TMEM260: variants seen among roughly 807,000 people sequenced by gnomAD.
TMEM260 encodes transmembrane protein 260, also known as protein O-mannosyl-transferase TMEM260.
A neutral mutation model predicts 88.9 loss-of-function variants in TMEM260; 82 were observed. The observed-to-expected ratio is 0.92, with a 90% CI of 0.77 to 1.11. TMEM260 has a LOEUF of 1.11. TMEM260 is among the 50% of genes least tolerant of loss of function. The pLI is 0.00. For synonymous variants in TMEM260, 314 were observed against 309.3 expected (o/e 1.02, Z -0.16); for missense variants, 902 against 853.4 (o/e 1.06, Z -0.71).
At chr14:56,647,193 A>C (rs1179019780) in intron 15 of TMEM260, 50 bp from the exon 16 acceptor site, 3 of 1,537,592 alleles carry the variant, frequency 2.0e-6, no homozygotes, top group Non-Finnish European at 2.6e-6. Flanking sequence ...TTTGAAAAAA[A>C]AAAAGTCAAA....
chr14:56,592,621 G>C (rs1325481752), intron 3 of TMEM260, among the ~76,000 whole-genome samples: 1 of 152,112 alleles, frequency 6.6e-6, no homozygotes, highest in Non-Finnish European at 1.5e-5. Flanking sequence ...TCATGACTAG[G>C]ACCCAGAAAG....
chr14:56,653,253 G>T (rs1377141362), downstream of TMEM260, among the ~76,000 whole-genome samples: 1 of 152,090 alleles, frequency 6.6e-6, no homozygotes, highest in African/African-American at 2.4e-5. Flanking sequence ...GGTAACAAAG[G>T]TAAGTATTGT....
intron 15 of TMEM260, among the ~76,000 whole-genome samples, chr14:56,646,666 C>T (rs1366756062): frequency 1.3e-5 from 2 of 152,184 alleles, no homozygotes; most frequent in South Asian, 4.1e-4. Flanking sequence ...CAGTATCTCA[C>T]TTTATGGATA....
intron 3 of TMEM260, among the ~76,000 whole-genome samples, chr14:56,599,720 A>T (rs1477686262): frequency 6.6e-6 from 1 of 152,214 alleles, no homozygotes; most frequent in Non-Finnish European, 1.5e-5. Context: ...AAGGGAAAAC[A>T]AAAACAAACA....
chr14:56,587,703 A>C (rs1422511750), intron 3 of TMEM260, among the ~76,000 whole-genome samples: 1 of 152,088 alleles, frequency 6.6e-6, no homozygotes, highest in East Asian at 1.9e-4. Context: ...TAACAATATT[A>C]TCTCTTACAT....
At chr14:56,600,739 T>C (rs1358067394) in intron 3 of TMEM260, among the ~76,000 whole-genome samples, 5 of 152,134 alleles carry the variant, frequency 3.3e-5, no homozygotes, top group African/African-American at 7.2e-5. Flanking sequence ...GAAACAAACA[T>C]TGAAAGATCC....
At chr14:56,639,818 G>A (rs912719256) in intron 15 of TMEM260, among the ~76,000 whole-genome samples, 6 of 152,146 alleles carry the variant, frequency 3.9e-5, no homozygotes, top group Non-Finnish European at 7.4e-5. Flanking sequence ...CTTAACAAAC[G>A]GCACACCAGG....
chr14:56,584,323 C>A (rs748861714), intron 1 of TMEM260, among the ~76,000 whole-genome samples: 1 of 152,052 alleles, frequency 6.6e-6, no homozygotes, highest in Non-Finnish European at 1.5e-5. Context: ...GAAATAGTCC[C>A]TGTGCTCTGA....
chr14:56,616,044 C>CT lies in TMEM260; in HGVS notation c.941+22dup. 6.4e-7 allele frequency: 1 copy of CT among 1,557,878 alleles called. No individual in the cohort carries two copies. The highest frequency in any genetic ancestry group is 8.8e-7 in the Non-Finnish European group (1 of 1,130,278). ...AGCAACAAAGTAAGTAATACAATTC[C>CT]TTTTTCTGTTATTTTTCTATGTTCA... On this transcript the variant is annotated intron_variant, in intron 8 of 15. Coordinates refer to ENST00000261556, the MANE Select transcript of TMEM260 (RefSeq NM_017799.4).
In TMEM260 at chr14:56,588,253, G is replaced by C. The variant is rs1243522382; in HGVS notation, c.344+2341G>C. Among the ~76,000 whole-genome samples the C allele has an allele frequency of 2.6e-5, 4 of 152,140 alleles. No individual in the cohort carries two copies. In the East Asian group the frequency reaches 7.7e-4, roughly 29 times the overall value. On this transcript the variant is annotated intron_variant, in intron 3 of 15. Coordinates refer to ENST00000261556, the MANE Select transcript of TMEM260 (RefSeq NM_017799.4). ...GTACACGTAGGATTAGTGCTGACTG[G>C]TGTGCAGTAAATTAATTCTTTTAAC...
intron 12 of TMEM260, among the ~76,000 whole-genome samples, chr14:56,632,474 G>C (rs1357644267): frequency 6.6e-6 from 1 of 152,150 alleles, no homozygotes; most frequent in Non-Finnish European, 1.5e-5. Flanking sequence ...TGGGAAAGGA[G>C]AGAAAGAAAA....
At chr14:56,623,218 T>C (rs1431109864) in intron 11 of TMEM260, among the ~76,000 whole-genome samples, 3 of 152,200 alleles carry the variant, frequency 2.0e-5, no homozygotes, top group African/African-American at 7.2e-5. Flanking sequence ...TAGCCTCACA[T>C]GAGACGCAGT....
Position 56,584,775 on chromosome 14 carries a change from A to G in TMEM260, c.161-226A>G, listed in dbSNP as rs142855123. Among the ~76,000 whole-genome samples, 36 of 152,304 alleles carry G rather than the reference A, an allele frequency of 2.4e-4. No individual in the cohort carries two copies. The East Asian group carries it at 4.8e-3, about 20-fold the overall frequency. On this transcript the variant is annotated intron_variant, in intron 1 of 15. Coordinates refer to ENST00000261556, the MANE Select transcript of TMEM260 (RefSeq NM_017799.4). ...ATTTTTTAAAGACCAGAATGTACCTATATTTCCACTGACCACTTCTTAAAG... is the reference window on the plus strand; with the variant it reads ...ATTTTTTAAAGACCAGAATGTACCTGTATTTCCACTGACCACTTCTTAAAG...
At chr14:56,661,293 C>G in the TMEM260 span, among the ~76,000 whole-genome samples, 2 of 152,162 alleles carry the variant, frequency 1.3e-5, no homozygotes, top group South Asian at 4.1e-4. Flanking sequence ...TCCATAGGAT[C>G]TGAGGTGAGA....
intron 5 of TMEM260, among the ~76,000 whole-genome samples, chr14:56,608,693 T>A (rs887699732): frequency 1.5e-5 from 2 of 137,736 alleles, no homozygotes; most frequent in Non-Finnish European, 3.4e-5. Flanking sequence ...AGTCTACTCC[T>A]AATGATGATG....
chr14:56,589,747 T>C (rs912086319), intron 3 of TMEM260, among the ~76,000 whole-genome samples: 7 of 152,212 alleles, frequency 4.6e-5, no homozygotes, highest in Non-Finnish European at 8.8e-5. Flanking sequence ...TTATAACTTA[T>C]ATATTTTTAA....
At chr14:56,627,919 T>A (rs1888339531) in intron 12 of TMEM260, among the ~76,000 whole-genome samples, 1 of 152,202 alleles carries the variant, frequency 6.6e-6, no homozygotes, top group Admixed American at 6.5e-5. Context: ...CACTGTCTCC[T>A]CAGGCCTAAC....
chr14:56,616,658 CA>C (rs1887612232), intron 8 of TMEM260, among the ~76,000 whole-genome samples: 1 of 151,920 alleles, frequency 6.6e-6, no homozygotes, highest in African/African-American at 2.4e-5. Context: ...TAAGTAATAA[CA>C]AAGCATTTTT....
chr14:56,641,855 T>A (rs1889619000), intron 15 of TMEM260, among the ~76,000 whole-genome samples: 1 of 152,072 alleles, frequency 6.6e-6, no homozygotes, highest in Non-Finnish European at 1.5e-5. Flanking sequence ...AGGCAGTGGT[T>A]GCAATCCTAG....
Sources: gnomAD v4.1 joint callset for allele counts (sites outside exome capture counted in the v4.1 genomes callset) on GRCh38, gnomAD v4.1.1 for gene constraint, MANE v1.5 for transcripts, NCBI Gene and HGNC (gene_info 2026-07-23, HGNC 2026-07-21) for gene names.